The following RAE1 variants were observed in gnomAD, a reference collection of about 807,000 sequenced individuals.
RAE1 encodes ribonucleic acid export 1.
In RAE1, 13 loss-of-function variants were observed where a neutral mutation model predicts 52.7. The observed-to-expected ratio is 0.25, with a 90% CI of 0.16 to 0.39. RAE1 has a LOEUF of 0.39. Among genes scored for constraint, RAE1 ranks in the 10% least tolerant of loss-of-function variants. RAE1 has a pLI of 1.00. For synonymous variants in RAE1, 164 were observed against 153.1 expected, an observed-to-expected ratio of 1.07 and a Z score of -0.52; for missense variants, 262 against 459.8, an observed-to-expected ratio of 0.57 and a Z score of 3.93.
intron 7 of RAE1, among the ~76,000 whole-genome samples, chr20:57,367,752 A>G (rs1568788905): frequency 6.6e-6 from 1 of 151,978 alleles, no homozygotes; most frequent in African/African-American, 2.4e-5. Flanking sequence ...AAAAAAAAAA[A>G]AAAAAGGAAA....
chr20:57,360,928 GGGGTGTTT>G lies in RAE1; in HGVS notation c.288+4392_288+4399del, dbSNP rs112648759. Among the ~76,000 whole-genome samples, 562 of 152,234 alleles carry G rather than the reference GGGGTGTTT, an allele frequency of 3.7e-3. 2 individuals are homozygous for G. Among genetic ancestry groups the G allele is most frequent in the African/African-American group, 0.013 (537 of 41,520 alleles). ...TCTAGAGGACATTTTCACTGGGGTAGGGGTGTTTGCATGTGTAATCTTACAAAGAACTA... is the reference window on the plus strand; with the variant it reads ...TCTAGAGGACATTTTCACTGGGGTAGGCATGTGTAATCTTACAAAGAACTA... On this transcript the variant is annotated intron_variant, in intron 4 of 11. Coordinates refer to ENST00000395841, the MANE Select transcript of RAE1 (RefSeq NM_003610.4).
chr20:57,364,374 T>C (rs1290841503), intron 4 of RAE1, among the ~76,000 whole-genome samples: 1 of 152,232 alleles, frequency 6.6e-6, no homozygotes, highest in African/African-American at 2.4e-5. Context: ...CAGTGTTCAC[T>C]TGGACTCAGG....
At position 57,375,176 on chromosome 20, in the gene RAE1, G is replaced by A. The variant is rs535769965; in HGVS notation, c.1020+375G>A. The A allele has an allele frequency of 1.5e-5, 9 of 618,180 alleles. No homozygotes were observed. In the East Asian group the frequency reaches 1.6e-4, roughly 11 times the overall value. 38.3% of individuals were successfully genotyped at this position (618,180 alleles called of 1,614,324 possible). A position where few individuals can be genotyped will look rare whatever the true frequency, so the allele number is the denominator to read the frequency against. On this transcript the variant is annotated intron_variant, in intron 11 of 11. Coordinates refer to ENST00000395841, the MANE Select transcript of RAE1 (RefSeq NM_003610.4). ...TTGGCTGGTGGTTTGGGCAGGGGGA[G>A]TTAGGAGCTGGCAGGAGTGGGGCTG...
At chr20:57,371,384 G>C (rs192472131) in intron 8 of RAE1, 4 of 152,160 alleles carry the variant, frequency 2.6e-5, no homozygotes, top group African/African-American at 9.7e-5. Flanking sequence ...AACTGGTGAC[G>C]TGAAAAATGG....
intron 4 of RAE1, among the ~76,000 whole-genome samples, chr20:57,360,218 C>A (rs1296477216): frequency 6.6e-6 from 1 of 152,186 alleles, no homozygotes; most frequent in African/African-American, 2.4e-5. Context: ...ACCAAGCACT[C>A]TGCTCTTGGT....
At chr20:57,351,744 G>C (rs1277115283) in intron 1 of RAE1, 10 of 985,538 alleles carry the variant, frequency 1.0e-5, no homozygotes, top group Middle Eastern at 5.2e-4. Flanking sequence ...CCTGGGAGAA[G>C]CTTTCCCTGG....
intron 4 of RAE1, 42 bp downstream of exon 4, chr20:57,356,580 T>A: frequency 6.7e-7 from 1 of 1,500,240 alleles, no homozygotes; most frequent in Non-Finnish European, 9.2e-7. Flanking sequence ...TTACTTAAAG[T>A]ACAGAATGAT....
At chr20:57,377,802 A>AT (rs1226111020) in intron 11 of RAE1, among the ~76,000 whole-genome samples, 1 of 152,176 alleles carries the variant, frequency 6.6e-6, no homozygotes, top group African/African-American at 2.4e-5. Context: ...TCAGTAGGAC[A>AT]TTGATGACAC....
In RAE1 at chr20:57,355,830, T is replaced by C. The variant is rs574876822; in HGVS notation, c.196-616T>C. ...GAGCAAGCTTGCTTTCTACATGTAA[T>C]TTTTAGAAAGATTTCAGATTATTTG... On this transcript the variant is annotated intron_variant, in intron 3 of 11. Transcript: ENST00000395841. Among the ~76,000 whole-genome samples, 4 of 152,288 alleles carry C rather than the reference T, an allele frequency of 2.6e-5. No homozygotes were observed. The South Asian group carries it at 8.3e-4, about 32-fold the overall frequency.
intron 3 of RAE1, among the ~76,000 whole-genome samples, chr20:57,355,103 T>C (rs1291157910): frequency 6.6e-6 from 1 of 152,224 alleles, no homozygotes; most frequent in Non-Finnish European, 1.5e-5. Flanking sequence ...GAGTGAACAT[T>C]ATACCCAGTG....
At chr20:57,351,801 T>C in intron 1 of RAE1, 6 of 985,504 alleles carry the variant, frequency 6.1e-6, no homozygotes, top group African/African-American at 1.7e-5. Context: ...CACGTCAACC[T>C]GCTCCATTTC....
At chr20:57,372,869 G>T in intron 8 of RAE1, 1 of 152,708 alleles carries the variant, frequency 6.5e-6, no homozygotes, top group Non-Finnish European at 1.5e-5. Context: ...TCCAAAGTTG[G>T]CTTCTCCTCG....
At chr20:57,351,736 T>G (rs779720557) in intron 1 of RAE1, 41 of 985,404 alleles carry the variant, frequency 4.2e-5, no homozygotes, top group Non-Finnish European at 4.7e-5. Flanking sequence ...TGTCAGCTCC[T>G]GGGAGAAGCT....
At chr20:57,357,882 G>GT (rs1486020954) in intron 4 of RAE1, 1 of 152,214 alleles carries the variant, frequency 6.6e-6, no homozygotes, top group East Asian at 1.9e-4. Context: ...CTTGTGATGA[G>GT]TATGTGTAAG....
At chr20:57,375,006 C>A in intron 11 of RAE1, 1 of 719,974 alleles carries the variant, frequency 1.4e-6, no homozygotes. Context: ...GAACCCAGCA[C>A]ACAGGAAGTG....
At chr20:57,366,772 T>G in intron 5 of RAE1, 35 bp from the exon 6 acceptor site, 1 of 1,546,990 alleles carries the variant, frequency 6.5e-7, no homozygotes, top group South Asian at 1.1e-5. Flanking sequence ...TTCTTACATT[T>G]ACCTTGATCT....
intron 3 of RAE1, among the ~76,000 whole-genome samples, chr20:57,355,396 T>A (rs968830186): frequency 4.6e-5 from 7 of 152,184 alleles, no homozygotes; most frequent in African/African-American, 1.7e-4. Flanking sequence ...TTTTATTAAA[T>A]TAACAAAATT....
chr20:57,371,331 T>C (rs537216745), intron 8 of RAE1: 2 of 152,318 alleles, frequency 1.3e-5, no homozygotes, highest in Non-Finnish European at 2.9e-5. Flanking sequence ...AAGGGATTGA[T>C]TTCCAAAATA....
At chr20:57,356,347 C>CGA in intron 3 of RAE1, 99 bp from the exon 4 acceptor site, 2 of 791,396 alleles carry the variant, frequency 2.5e-6, no homozygotes, top group South Asian at 3.8e-5. Flanking sequence ...TATGAGAAGT[C>CGA]TATGTATGGT....
Sources: gnomAD v4.1 joint callset for allele counts (sites outside exome capture counted in the v4.1 genomes callset) on GRCh38, gnomAD v4.1.1 for gene constraint, MANE v1.5 for transcripts, NCBI Gene and HGNC (gene_info 2026-07-23, HGNC 2026-07-21) for gene names.